The following CTCF variants were observed in gnomAD, a reference collection of about 807,000 sequenced individuals.
CTCF encodes the protein transcriptional repressor CTCF.
In CTCF, 7 loss-of-function variants were observed where a neutral mutation model predicts 72.3. The observed-to-expected ratio is 0.10, with a 90% CI of 0.06 to 0.18. The LOEUF (loss-of-function observed/expected upper bound fraction) is 0.18, where lower values mean the gene tolerates loss of function less well. Ranked by LOEUF, CTCF falls within the 10% of genes least tolerant of loss-of-function variation. CTCF has a pLI of 1.00. For synonymous variants in CTCF, 374 were observed against 315.8 expected (o/e 1.18, Z -1.95); for missense variants, 516 against 949.1 (o/e 0.54, Z 6.00).
In CTCF at chr16:67,622,344, C is replaced by T. The variant is rs534765648; in HGVS notation, c.1357+753C>T. 7.8e-4 allele frequency among the ~76,000 whole-genome samples: 117 copies of T among 150,236 alleles called. 5 individuals carry two copies. The East Asian group carries it at 0.02, about 26-fold the overall frequency. On this transcript the variant is annotated intron_variant, in intron 7 of 11. Coordinates refer to ENST00000264010, the MANE Select transcript of CTCF (RefSeq NM_006565.4). ...GCACTCCAGCCTGGGTGACAGAGCG[C>T]GACTCTGTCTCAAAAAAAAAAAAGG... is the stretch of plus-strand genomic sequence containing the variant.
At chr16:67,626,311 G>A (rs1446372130) in intron 7 of CTCF, among the ~76,000 whole-genome samples, 1 of 151,806 alleles carries the variant, frequency 6.6e-6, no homozygotes, top group Non-Finnish European at 1.5e-5. Context: ...AAATTAGCCG[G>A]GCATGGTGGC....
At chr16:67,587,100 A>ATTTTTT (rs754060008) in intron 2 of CTCF, among the ~76,000 whole-genome samples, 2 of 98,726 alleles carry the variant, frequency 2.0e-5, no homozygotes, top group Non-Finnish European at 4.1e-5. Flanking sequence ...CTTCTTAAAC[A>ATTTTTT]TTTTTTTTTT....
At chr16:67,564,055 T>TCGC (rs2051312849) in intron 1 of CTCF, 1 of 152,216 alleles carries the variant, frequency 6.6e-6, no homozygotes, top group Non-Finnish European at 1.5e-5. Context: ...AGTTCAGCGT[T>TCGC]AAGTAAACAT....
At chr16:67,633,240 G>T (rs144097054) in intron 10 of CTCF, among the ~76,000 whole-genome samples, 4 of 144,164 alleles carry the variant, frequency 2.8e-5, no homozygotes, top group Non-Finnish European at 5.9e-5. Flanking sequence ...AATGAGTTCC[G>T]TGAGTCCTGT....
chr16:67,608,099 C>T (rs1160180555), intron 2 of CTCF, among the ~76,000 whole-genome samples: 4 of 150,284 alleles, frequency 2.7e-5, no homozygotes, highest in East Asian at 2.0e-4. Flanking sequence ...CCGAGGCAGG[C>T]GGATCACGAG....
At chr16:67,621,965 C>CT (rs2052205363) in intron 7 of CTCF, among the ~76,000 whole-genome samples, 1 of 152,050 alleles carries the variant, frequency 6.6e-6, no homozygotes, top group Non-Finnish European at 1.5e-5. Flanking sequence ...AACGTCTGTA[C>CT]TTTCTCTAGG....
chr16:67,588,395 ACT>A (rs1797419587), intron 2 of CTCF, among the ~76,000 whole-genome samples: 1 of 152,108 alleles, frequency 6.6e-6, no homozygotes, highest in Admixed American at 6.6e-5. Flanking sequence ...AGACGGTCTA[ACT>A]CTGAGCTGCT....
At chr16:67,594,139 T>G (rs1197287390) in intron 2 of CTCF, among the ~76,000 whole-genome samples, 2 of 152,136 alleles carry the variant, frequency 1.3e-5, no homozygotes, top group Non-Finnish European at 2.9e-5. Flanking sequence ...CTGAGCATGG[T>G]GGTTTATGCC....
chr16:67,584,886 G>C (rs985637073), intron 2 of CTCF, among the ~76,000 whole-genome samples: 1 of 152,074 alleles, frequency 6.6e-6, no homozygotes, highest in Admixed American at 6.6e-5. Flanking sequence ...GGGTTTCCCA[G>C]AATTTCCTGC....
chr16:67,591,080 G>A (rs1046696537), intron 2 of CTCF, among the ~76,000 whole-genome samples: 1 of 151,840 alleles, frequency 6.6e-6, no homozygotes, highest in African/African-American at 2.4e-5. Context: ...ATCACTTGAG[G>A]TCAGGAGTTT....
chr16:67,620,907 T>G, intron 6 of CTCF, 90 bp downstream of exon 6: 1 of 1,077,896 alleles, frequency 9.3e-7, no homozygotes, highest in Non-Finnish European at 1.3e-6. Context: ...CCCCATTGTT[T>G]ATATGAATGA....
rs58387336 is a variant in CTCF at position 67,624,071 on chromosome 16, ATGTGTGTGTGTGTG to A, written c.1358-2452_1358-2439del. ...TCAAAAAAAAAAAAAAAAATTATAT[ATGTGTGTGTGTGTG>A]TGTGTGTGTGTGTGTGTGTGTGTGT... On this transcript the variant is annotated intron_variant, in intron 7 of 11. Coordinates refer to ENST00000264010, the MANE Select transcript of CTCF (RefSeq NM_006565.4). Among the ~76,000 whole-genome samples, 207 of 117,580 alleles carry A rather than the reference ATGTGTGTGTGTGTG, an allele frequency of 1.8e-3. 1 individual carries two copies. The highest frequency in any genetic ancestry group is 5.0e-3 in the Middle Eastern group (1 of 200). 77.1% of individuals were successfully genotyped at this position (117,580 alleles called of 152,430 possible).
chr16:67,571,462 T>G (rs1260100185), intron 2 of CTCF, among the ~76,000 whole-genome samples, 198 bp downstream of exon 2: 1 of 152,188 alleles, frequency 6.6e-6, no homozygotes, highest in Non-Finnish European at 1.5e-5. Flanking sequence ...TGGGGCAAGT[T>G]ACTTTAACCT....
chr16:67,566,515 TAAAAAAAAAAAAAA>T (rs377253111), intron 1 of CTCF, among the ~76,000 whole-genome samples: 2 of 76,232 alleles, frequency 2.6e-5, no homozygotes, highest in African/African-American at 9.9e-5. Flanking sequence ...GTCTCAAAAT[TAAAAAAAAAAAAAA>T]AAAAAAAAAA....
intron 2 of CTCF, among the ~76,000 whole-genome samples, chr16:67,600,265 G>GTC (rs1225986723): frequency 6.6e-6 from 1 of 151,836 alleles, no homozygotes; most frequent in African/African-American, 2.4e-5. Flanking sequence ...GAGGAACAGA[G>GTC]TCTCACTCTG....
chr16:67,576,163 C>T (rs9783752), intron 2 of CTCF, among the ~76,000 whole-genome samples: 11 of 125,540 alleles, frequency 8.8e-5, no homozygotes, highest in African/African-American at 1.8e-4. Context: ...AAAAAAAAAA[C>T]GGAAGGCTGT....
chr16:67,615,752 A>G (rs1185229236), intron 4 of CTCF: 2 of 152,256 alleles, frequency 1.3e-5, no homozygotes, highest in African/African-American at 4.8e-5. Context: ...GTGGTTCTAA[A>G]GAATCGAATG....
chr16:67,634,353 G>T (rs2052401851), intron 10 of CTCF, among the ~76,000 whole-genome samples: 1 of 151,658 alleles, frequency 6.6e-6, no homozygotes, highest in South Asian at 2.1e-4. Flanking sequence ...GATTACAGGT[G>T]CCCGCCATCA....
At chr16:67,628,310 G>T in intron 8 of CTCF, 60 bp from the exon 9 acceptor site, 1 of 1,525,142 alleles carries the variant, frequency 6.6e-7, no homozygotes, top group South Asian at 1.2e-5. Flanking sequence ...CATGCAGGTG[G>T]CAGCTGGGGC....
Sources: allele counts gnomAD v4.1 joint callset (sites outside exome capture counted in the v4.1 genomes callset), GRCh38; gene constraint gnomAD v4.1.1; transcripts MANE v1.5; gene names NCBI Gene and HGNC (gene_info 2026-07-23, HGNC 2026-07-21).